Variants in COA1 observed in about 807,000 individuals in gnomAD.
The protein encoded by COA1 is cytochrome c oxidase assembly factor 1 homolog.
In COA1, 13 loss-of-function variants were observed where a neutral mutation model predicts 16.0. The ratio of observed to expected loss-of-function variants is 0.81; its 90% CI spans 0.53 to 1.29. The LOEUF is 1.29. Ranked by LOEUF, COA1 falls within the 50% of genes most tolerant of loss-of-function variation. The probability of loss-of-function intolerance (pLI) is 0.00; values close to 1 mark genes in which losing one functional copy is unlikely to be tolerated. For synonymous variants in COA1, 65 were observed against 65.7 expected (o/e 0.99, Z 0.05); for missense variants, 179 against 177.0 (o/e 1.01, Z -0.06).
intron 6 of COA1, among the ~76,000 whole-genome samples, chr7:43,627,375 G>A (rs1236087943): frequency 6.6e-6 from 1 of 152,152 alleles, no homozygotes; most frequent in African/African-American, 2.4e-5. Context: ...GGGTTATAAA[G>A]ATCACTTAGA....
intron 1 of COA1, among the ~76,000 whole-genome samples, chr7:43,707,881 A>C (rs904023599): frequency 6.6e-6 from 1 of 152,242 alleles, no homozygotes. Flanking sequence ...TGGAAGTAAA[A>C]TTACAAAGTC....
At chr7:43,624,240 T>G (rs781480009) in intron 6 of COA1, among the ~76,000 whole-genome samples, 33 of 152,210 alleles carry the variant, frequency 2.2e-4, no homozygotes, top group Non-Finnish European at 2.6e-4. Flanking sequence ...AAATGACAGC[T>G]AATCTCTAGC....
downstream of COA1, among the ~76,000 whole-genome samples, chr7:43,635,452 C>G (rs1384654475): frequency 6.6e-6 from 1 of 152,134 alleles, no homozygotes; most frequent in African/African-American, 2.4e-5. Context: ...GTCCGAGCCC[C>G]CAAGCCCTTG....
chr7:43,704,282 G>A (rs1164930712), intron 1 of COA1, among the ~76,000 whole-genome samples: 3 of 152,168 alleles, frequency 2.0e-5, no homozygotes, highest in Non-Finnish European at 4.4e-5. Context: ...TGGTGACTAT[G>A]TGTCTTGGGG....
intron 1 of COA1, among the ~76,000 whole-genome samples, chr7:43,671,478 C>T (rs534703461): frequency 7.4e-4 from 112 of 151,402 alleles, no homozygotes; most frequent in African/African-American, 2.5e-3. Flanking sequence ...ATAATGGCCA[C>T]GAAAAAATAA....
At chr7:43,725,902 A>G (rs1029500157) in intron 1 of COA1, among the ~76,000 whole-genome samples, 1 of 150,746 alleles carries the variant, frequency 6.6e-6, no homozygotes, top group African/African-American at 2.4e-5. Flanking sequence ...TATTACTACT[A>G]CTGCCTTTTA....
downstream of COA1, among the ~76,000 whole-genome samples, chr7:43,637,171 C>CCTAA (rs918361947): frequency 1.3e-5 from 2 of 152,198 alleles, no homozygotes; most frequent in African/African-American, 2.4e-5. Flanking sequence ...TTAGATTCCC[C>CCTAA]CTAACTGATA....
chr7:43,614,202 A>C (rs1161897972), intron 6 of COA1, among the ~76,000 whole-genome samples: 1 of 152,178 alleles, frequency 6.6e-6, no homozygotes, highest in Non-Finnish European at 1.5e-5. Context: ...CGTTAAATGG[A>C]TTATGTACAA....
intron 1 of COA1, among the ~76,000 whole-genome samples, chr7:43,669,135 C>T (rs2093085472): frequency 6.6e-6 from 1 of 152,160 alleles, no homozygotes; most frequent in Admixed American, 6.5e-5. Context: ...GATGCCCCTT[C>T]TCAGCAGGAA....
At chr7:43,723,757 T>A (rs1414763261) in intron 1 of COA1, among the ~76,000 whole-genome samples, 1 of 151,944 alleles carries the variant, frequency 6.6e-6, no homozygotes, top group African/African-American at 2.4e-5. Flanking sequence ...CAAAATCCCA[T>A]CTCAACAAAA....
chr7:43,676,745 T>C (rs1168200185), intron 1 of COA1, among the ~76,000 whole-genome samples: 4 of 152,066 alleles, frequency 2.6e-5, no homozygotes, highest in African/African-American at 9.7e-5. Flanking sequence ...ATTGTACACA[T>C]GTATCAAAAT....
At chr7:43,663,854 T>TA (rs1272434226) in intron 1 of COA1, among the ~76,000 whole-genome samples, 3 of 152,056 alleles carry the variant, frequency 2.0e-5, no homozygotes, top group Non-Finnish European at 4.4e-5. Context: ...GCCACACCTG[T>TA]AATCCCAACA....
intron 4 of COA1, among the ~76,000 whole-genome samples, chr7:43,643,924 T>C (rs903731302): frequency 1.3e-4 from 20 of 152,168 alleles, no homozygotes; most frequent in African/African-American, 2.4e-4. Context: ...CAAAAAATAA[T>C]GTAGGTCGGA....
At chr7:43,631,132 C>T (rs1397022008) in intron 6 of COA1, 2 of 152,170 alleles carry the variant, frequency 1.3e-5, no homozygotes, top group South Asian at 2.1e-4. Flanking sequence ...ATAGGGTAGA[C>T]TCATTCAACA....
chr7:43,678,983 A>C (rs369238614), intron 1 of COA1, among the ~76,000 whole-genome samples: 2 of 152,208 alleles, frequency 1.3e-5, no homozygotes, highest in African/African-American at 4.8e-5. Context: ...AGGAAAATTT[A>C]TAAGTATCTT....
chr7:43,678,874 G>A (rs1187732323), intron 1 of COA1, among the ~76,000 whole-genome samples: 1 of 152,164 alleles, frequency 6.6e-6, no homozygotes, highest in Non-Finnish European at 1.5e-5. Flanking sequence ...ATATAACATG[G>A]TGCAGCTGCT....
chr7:43,651,626 G>A lies in COA1; in HGVS notation c.-38-2974C>T, dbSNP rs12669933. Among the ~76,000 whole-genome samples the A allele has an allele frequency of 7.5e-3, 1,126 of 150,842 alleles. 54 individuals carry two copies. In the East Asian group the frequency reaches 0.14, roughly 19 times the overall value. On this transcript the variant is annotated intron_variant, in intron 1 of 5. Coordinates refer to ENST00000223336, the MANE Select transcript of COA1 (RefSeq NM_018224.4). ...CATAGACAGGATCCCACAAGGCAAG[G>A]GTGGAAGCAGGAAGGTGGTGCAACT...
chr7:43,706,923 C>A (rs2095005852), intron 1 of COA1, among the ~76,000 whole-genome samples: 1 of 151,912 alleles, frequency 6.6e-6, no homozygotes, highest in Admixed American at 6.6e-5. Flanking sequence ...GTAATCCCAG[C>A]ACTTTGGGAG....
At chr7:43,635,171 G>A (rs1221974220), downstream of COA1, among the ~76,000 whole-genome samples, 1 of 152,012 alleles carries the variant, frequency 6.6e-6, no homozygotes, top group East Asian at 1.9e-4. Flanking sequence ...TATTGACTCA[G>A]TCAAACCACC....
Sources: gnomAD v4.1 joint callset for allele counts (sites outside exome capture counted in the v4.1 genomes callset) on GRCh38, gnomAD v4.1.1 for gene constraint, MANE v1.5 for transcripts, NCBI Gene and HGNC (gene_info 2026-07-23, HGNC 2026-07-21) for gene names.